The following KHK variants were observed in gnomAD, a reference collection of about 807,000 sequenced individuals.
KHK encodes the protein fructokinase.
In KHK, 37 loss-of-function variants were observed where a neutral mutation model predicts 36.0. The observed-to-expected ratio is 1.03, with a 90% confidence interval of 0.79 to 1.35. The LOEUF is 1.35. Ranked by LOEUF, KHK falls within the 40% of genes most tolerant of loss-of-function variation. The pLI, the probability that KHK is intolerant of heterozygous loss-of-function variation, is 0.00. For synonymous variants in KHK, 161 were observed against 162.8 expected (o/e 0.99, Z 0.08); for missense variants, 395 against 391.9 (o/e 1.01, Z -0.07).
chr2:27,094,429 A>C, intron 2 of KHK: 1 of 1,608,746 alleles, frequency 6.2e-7, no homozygotes, highest in Non-Finnish European at 8.5e-7. Flanking sequence ...TCCAGTCCCC[A>C]AAACCCTTGT....
intron 3 of KHK, among the ~76,000 whole-genome samples, chr2:27,095,738 G>A (rs1054524348): frequency 2.6e-5 from 4 of 152,242 alleles, no homozygotes; most frequent in Non-Finnish European, 2.9e-5. Context: ...CTGTTCCTAC[G>A]GCCCAGCCTG....
Position 27,099,738 on chromosome 2 carries a change from T to C in KHK, c.885T>C (p.Asp295=), listed in dbSNP as rs144476131. The change falls in exon 8 of 8, where the codon GAT becomes GAC. Residue 295 remains aspartate (D), a synonymous_variant. Coordinates refer to ENST00000260598, the MANE Select transcript of KHK (RefSeq NM_006488.3). ...AGKKCGLQGF[D]GIV The stretch of plus-strand genomic sequence containing the variant: ...AGAAGTGTGGCCTGCAGGGCTTTGA[T>C]GGCATCGTGTGAGAGCAGGTGCCGG... 257 of 1,614,054 alleles carry C rather than the reference T, an allele frequency of 1.6e-4. 3 individuals are homozygous for C. In the African/African-American group the frequency reaches 2.8e-3, roughly 18 times the overall value.
chr2:27,090,243 T>C (rs751479275), intron 1 of KHK, among the ~76,000 whole-genome samples: 5 of 152,246 alleles, frequency 3.3e-5, no homozygotes, highest in African/African-American at 1.2e-4. Context: ...GAAACCTCAA[T>C]GCTTGGGCCT....
At chr2:27,094,379 C>A in intron 2 of KHK, 1 of 1,453,560 alleles carries the variant, frequency 6.9e-7, no homozygotes, top group Non-Finnish European at 9.5e-7. Context: ...TTGCTTGCAC[C>A]CCTGCCTTTC....
intron 5 of KHK, among the ~76,000 whole-genome samples, chr2:27,098,413 G>A (rs1218062500): frequency 6.6e-6 from 1 of 150,696 alleles, no homozygotes; most frequent in Admixed American, 6.6e-5. Context: ...AGCACCTTGG[G>A]AGGCCAATGC....
At chr2:27,092,540 A>C in intron 2 of KHK, 92 bp downstream of exon 2, 1 of 940,390 alleles carries the variant, frequency 1.1e-6, no homozygotes, top group South Asian at 1.3e-5. Context: ...ATGGGGGATT[A>C]GAAATGGGTT....
chr2:27,096,144 G>A (rs1670320482), intron 3 of KHK, among the ~76,000 whole-genome samples: 1 of 152,240 alleles, frequency 6.6e-6, no homozygotes, highest in South Asian at 2.1e-4. Context: ...CTGAGTTGAG[G>A]TCTCTGGCTC....
At chr2:27,089,245 C>T (rs997002141) in intron 1 of KHK, among the ~76,000 whole-genome samples, 2 of 152,050 alleles carry the variant, frequency 1.3e-5, no homozygotes, top group African/African-American at 4.8e-5. Flanking sequence ...TTGGAGTTGA[C>T]CCTTTGCTTT....
intron 4 of KHK, among the ~76,000 whole-genome samples, 169 bp downstream of exon 4, chr2:27,096,970 C>T (rs1284803830): frequency 6.6e-6 from 1 of 152,230 alleles, no homozygotes; most frequent in Non-Finnish European, 1.5e-5. Flanking sequence ...AACTAAGGCC[C>T]AGAAAGATTA....
At chr2:27,099,613 C>A (rs755019513) in intron 7 of KHK, 36 bp downstream of exon 7, 14 of 1,613,980 alleles carry the variant, frequency 8.7e-6, no homozygotes, top group Non-Finnish European at 1.2e-5. Flanking sequence ...AGGACTGGGA[C>A]CTGTCCCTGC....
chr2:27,089,574 G>A (rs1669861177), intron 1 of KHK, among the ~76,000 whole-genome samples: 2 of 152,230 alleles, frequency 1.3e-5, no homozygotes, highest in Admixed American at 6.5e-5. Flanking sequence ...GGCAGGTTCT[G>A]AAGGTGGGCA....
intron 2 of KHK, 176 bp from the exon 3 acceptor site, chr2:27,094,624 G>C: frequency 6.2e-7 from 1 of 1,614,088 alleles, no homozygotes; most frequent in Non-Finnish European, 8.5e-7. Flanking sequence ...TTGTACAACT[G>C]TCTGTGCCTT....
At position 27,099,771 on chromosome 2, in the gene KHK, C is replaced by T. The variant is rs754301324; in HGVS notation, c.*21C>T. On this transcript the variant is annotated 3_prime_UTR_variant, in exon 8 of 8. Transcript: ENST00000260598. Reference sequence around the variant, plus strand: ...TGTGAGAGCAGGTGCCGGCTCCTCACACACCATGGAGACTACCATTGCGGC... The same window carrying T: ...TGTGAGAGCAGGTGCCGGCTCCTCATACACCATGGAGACTACCATTGCGGC... 9 of 1,607,994 alleles carry T rather than the reference C, an allele frequency of 5.6e-6. No individual in the cohort carries two copies. In the African/African-American group the frequency reaches 1.1e-4, roughly 19 times the overall value.
At chr2:27,099,387 G>A (rs1420754242) in intron 6 of KHK, 33 bp from the exon 7 acceptor site, 2 of 1,612,154 alleles carry the variant, frequency 1.2e-6, no homozygotes, top group Middle Eastern at 1.7e-4. Context: ...GACGGGGTGG[G>A]CTAACACCCA....
Position 27,097,612 on chromosome 2 carries a change from G to A in KHK, c.527G>A (p.Arg176Gln), listed in dbSNP as rs143669793. ...IRVSVEVEKP[R>Q]EELFQLFGYG... ...GTGTCCGTGGAGGTGGAGAAGCCAC[G>A]AGAGGAGCTCTTCCAGCTGTTTGGC... Residue 176 changes from arginine (R) to glutamine (Q), a missense_variant, in exon 5 of 8, where the codon CGA (arginine) becomes CAA (glutamine). Coordinates refer to ENST00000260598, the MANE Select transcript of KHK (RefSeq NM_006488.3). 7.5e-4 allele frequency: 1,205 copies of A among 1,614,108 alleles called. 7 individuals are homozygous for A. The highest frequency in any genetic ancestry group is 6.1e-3 in the African/African-American group (458 of 75,056).
intron 5 of KHK, among the ~76,000 whole-genome samples, chr2:27,098,589 T>C (rs1298941008): frequency 2.0e-5 from 3 of 152,004 alleles, no homozygotes; most frequent in Non-Finnish European, 4.4e-5. Flanking sequence ...TGTTTTTGAT[T>C]GGCAGGGGTA....
rs1670605109 is a variant in KHK at position 27,099,092 on chromosome 2, G to A, written c.565-104G>A. On this transcript the variant is annotated intron_variant, in intron 5 of 7. Coordinates refer to ENST00000260598, the MANE Select transcript of KHK (RefSeq NM_006488.3). ...GTGAGATGCTACGTTGGGGATCTAT[G>A]TGGACATGTTGGGGGAGTCGTGTTG... The A allele has an allele frequency of 1.4e-5, 14 of 968,568 alleles. No individual in the cohort carries two copies. In the Middle Eastern group the frequency reaches 1.9e-3, roughly 132 times the overall value. 60.0% of individuals were successfully genotyped at this position (968,568 alleles called of 1,614,324 possible).
rs753876395 is a variant in KHK, at chr2:27,092,315, C to G, written c.93-17C>G. 2 of 1,597,496 alleles carry G rather than the reference C, an allele frequency of 1.3e-6. No individual in the cohort carries two copies. Among genetic ancestry groups the G allele is most frequent in the South Asian group, 2.2e-5 (2 of 90,818 alleles). ...TCAGCCTGCTGGGGCTGCAGGGACC[C>G]TCCCTGTGCTTTGCAGGTGTTTGTC... On this transcript the variant is annotated splice_polypyrimidine_tract_variant and intron_variant, in intron 1 of 7. Coordinates refer to ENST00000260598, the MANE Select transcript of KHK (RefSeq NM_006488.3).
At chr2:27,095,781 T>C (rs2148354633) in intron 3 of KHK, among the ~76,000 whole-genome samples, 1 of 152,344 alleles carries the variant, frequency 6.6e-6, no homozygotes, top group South Asian at 2.1e-4. Flanking sequence ...CAGCCATCCC[T>C]GGGCTTCATA....
Sources: gnomAD v4.1 joint callset for allele counts (sites outside exome capture counted in the v4.1 genomes callset) on GRCh38, gnomAD v4.1.1 for gene constraint, MANE v1.5 for transcripts, NCBI Gene and HGNC (gene_info 2026-07-23, HGNC 2026-07-21) for gene names.